DPP6: variants seen among roughly 807,000 people sequenced by gnomAD.
DPP6 encodes the protein dipeptidyl peptidase like 6.
A neutral mutation model predicts 122.6 loss-of-function variants in DPP6; 69 were observed. That is an observed-to-expected ratio of 0.56 (90% CI 0.46 to 0.69). DPP6 has a LOEUF of 0.69. Among genes scored for constraint, DPP6 ranks in the 30% least tolerant of loss-of-function variants. The pLI is 0.00. For synonymous variants in DPP6, 418 were observed against 433.1 expected (o/e 0.97, Z 0.43); for missense variants, 928 against 1,116.9 (o/e 0.83, Z 2.41).
At chr7:154,668,366 A>G (rs1838331590) in intron 6 of DPP6, among the ~76,000 whole-genome samples, 1 of 149,740 alleles carries the variant, frequency 6.7e-6, no homozygotes, top group African/African-American at 2.5e-5. Context: ...GACTACAGGC[A>G]CCCGCCACCG....
chr7:154,017,882 A>G (rs548569696), intron 1 of DPP6, among the ~76,000 whole-genome samples: 387 of 152,116 alleles, frequency 2.5e-3, no homozygotes, highest in African/African-American at 9.1e-3. Flanking sequence ...AGGAGATAAG[A>G]TGAAATAAGG....
intron 1 of DPP6, among the ~76,000 whole-genome samples, chr7:154,358,050 G>A (rs1284440769): frequency 6.6e-6 from 1 of 152,094 alleles, no homozygotes; most frequent in Non-Finnish European, 1.5e-5. Context: ...AACTTATACT[G>A]AACAACTCAG....
chr7:154,323,275 T>G (rs1449995919), intron 1 of DPP6, among the ~76,000 whole-genome samples: 1 of 152,194 alleles, frequency 6.6e-6, no homozygotes, highest in Non-Finnish European at 1.5e-5. Context: ...TGTATAGTTC[T>G]TTAAATTGGC....
At chr7:154,446,148 T>C in intron 1 of DPP6, 66 bp from the exon 2 acceptor site, 2 of 965,310 alleles carry the variant, frequency 2.1e-6, no homozygotes, top group Non-Finnish European at 3.1e-6. Flanking sequence ...ATGAAATATG[T>C]CTATTTGGCT....
At chr7:154,324,596 G>A (rs1034354020) in intron 1 of DPP6, among the ~76,000 whole-genome samples, 8 of 152,146 alleles carry the variant, frequency 5.3e-5, no homozygotes, top group Non-Finnish European at 4.4e-5. Context: ...ACCAGTCCAG[G>A]CAGCAGGCTC....
At chr7:154,519,731 G>A (rs889765417) in intron 3 of DPP6, among the ~76,000 whole-genome samples, 9 of 152,140 alleles carry the variant, frequency 5.9e-5, no homozygotes, top group African/African-American at 2.2e-4. Flanking sequence ...AAGTCAGAAG[G>A]ACAAGAGTTG....
rs1440659766 is a variant in DPP6, at chr7:154,403,828, A to T, written c.244-42386A>T. Among the ~76,000 whole-genome samples the T allele has an allele frequency of 6.6e-6, 1 of 152,206 alleles. No individual in the cohort carries two copies. The highest frequency in any genetic ancestry group is 1.5e-5 in the Non-Finnish European group (1 of 68,038). ...AAGGACAGCTCTTTATTTGGCTGTG[A>T]ATATCCACCACTGTCTTCCTACTTC... On this transcript the variant is annotated intron_variant, in intron 1 of 25. Coordinates refer to ENST00000377770, the MANE Select transcript of DPP6 (RefSeq NM_130797.4). This position sits in a 1 kb window ranked among gnomAD's most constrained non-coding sequence, Gnocchi z 4.1.
chr7:154,845,374 G>A (rs192032735), intron 16 of DPP6, among the ~76,000 whole-genome samples: 1 of 152,322 alleles, frequency 6.6e-6, no homozygotes, highest in East Asian at 1.9e-4. Flanking sequence ...AAATTAGAAA[G>A]CACACGGGAG....
intron 1 of DPP6, among the ~76,000 whole-genome samples, chr7:153,963,656 G>A (rs982641397): frequency 9.2e-5 from 14 of 152,254 alleles, no homozygotes; most frequent in African/African-American, 3.1e-4. Context: ...GGTGGCATTC[G>A]ATTCTCATAG....
chr7:154,411,759 T>A (rs1403371750), intron 1 of DPP6, among the ~76,000 whole-genome samples: 1 of 152,198 alleles, frequency 6.6e-6, no homozygotes, highest in Non-Finnish European at 1.5e-5. Context: ...TTGAAGTACC[T>A]GGTATTGCTT....
chr7:154,185,706 CTG>C (rs1259839160), intron 1 of DPP6, among the ~76,000 whole-genome samples: 2 of 152,150 alleles, frequency 1.3e-5, no homozygotes, highest in African/African-American at 4.8e-5. Context: ...TTCTTTCTCT[CTG>C]TTGCTCTAAG....
intron 1 of DPP6, among the ~76,000 whole-genome samples, chr7:153,966,991 A>G (rs200337652): frequency 0.062 from 9,007 of 145,264 alleles, 963 homozygotes; most frequent in African/African-American, 0.2. Flanking sequence ...CACTGAGCCC[A>G]TGGAGGTCAA....
At chr7:154,126,579 G>C (rs1248269124) in intron 1 of DPP6, among the ~76,000 whole-genome samples, 1 of 151,424 alleles carries the variant, frequency 6.6e-6, no homozygotes, top group Non-Finnish European at 1.5e-5. Flanking sequence ...ATGAACATGG[G>C]TGTAGCTTTC....
At chr7:154,643,532 G>A (rs1470092652) in intron 6 of DPP6, among the ~76,000 whole-genome samples, 1 of 140,160 alleles carries the variant, frequency 7.1e-6, no homozygotes, top group Non-Finnish European at 1.5e-5. Flanking sequence ...GCAGTGATAC[G>A]ATCTCAGCTC....
chr7:154,383,890 C>CAAAA lies in DPP6; in HGVS notation c.244-62309_244-62306dup, dbSNP rs375015144. On this transcript the variant is annotated intron_variant, in intron 1 of 25. Coordinates refer to ENST00000377770, the MANE Select transcript of DPP6 (RefSeq NM_130797.4). ...GGGTGACAGAGTGAGACTCTGTCTC[C>CAAAA]AAAAAAAAAAAAAAAAAAGTGTTAA... 1.3e-3 allele frequency among the ~76,000 whole-genome samples: 142 copies of CAAAA among 106,442 alleles called. 1 individual carries two copies. Among genetic ancestry groups the CAAAA allele is most frequent in the Middle Eastern group, 0.011 (2 of 180 alleles). 69.8% of individuals were successfully genotyped at this position (106,442 alleles called of 152,430 possible).
chr7:154,033,569 G>A (rs1370545069), intron 1 of DPP6, among the ~76,000 whole-genome samples: 1 of 152,232 alleles, frequency 6.6e-6, no homozygotes, highest in Non-Finnish European at 1.5e-5. Flanking sequence ...TGAATTTGCT[G>A]CAAGGCTTTA....
At chr7:154,324,504 G>A (rs545948248) in intron 1 of DPP6, among the ~76,000 whole-genome samples, 5 of 152,094 alleles carry the variant, frequency 3.3e-5, no homozygotes, top group Non-Finnish European at 7.4e-5. Flanking sequence ...GGGTGACCCC[G>A]GTGTGATCTC....
chr7:153,869,741 A>G, the DPP6 span, among the ~76,000 whole-genome samples: 2 of 152,306 alleles, frequency 1.3e-5, no homozygotes, highest in East Asian at 3.9e-4. Context: ...GTTTCTTCCT[A>G]GCCTTGATGG....
At position 154,796,979 on chromosome 7, in the gene DPP6, C is replaced by T. The variant is rs150815712; in HGVS notation, c.1299+1096C>T. Among the ~76,000 whole-genome samples the T allele has an allele frequency of 7.9e-4, 120 of 152,280 alleles. No homozygotes were observed. The East Asian group carries it at 9.3e-3, about 12-fold the overall frequency. ...TGCCAAGTCCAAGCCAAGAAGATAT[C>T]GGGAAGAGGGAAGACTTAGGGAACC... On this transcript the variant is annotated intron_variant, in intron 12 of 25. Coordinates refer to ENST00000377770, the MANE Select transcript of DPP6 (RefSeq NM_130797.4).
Sources: gnomAD v4.1 joint callset for allele counts (sites outside exome capture counted in the v4.1 genomes callset) on GRCh38, gnomAD v4.1.1 for gene constraint, Gnocchi (gnomAD v3.1) non-coding constraint, MANE v1.5 for transcripts, NCBI Gene and HGNC (gene_info 2026-07-23, HGNC 2026-07-21) for gene names.